DHRSX: variants seen among roughly 807,000 people sequenced by gnomAD.
DHRSX encodes polyprenol dehydrogenase.
In DHRSX, 31 loss-of-function variants were observed where a neutral mutation model predicts 34.0. The ratio of observed to expected loss-of-function variants is 0.91; its 90% confidence interval spans 0.69 to 1.23. The LOEUF is 1.23. DHRSX is among the 50% of genes most tolerant of loss of function. The pLI is 0.00. For synonymous variants in DHRSX, 201 were observed against 183.8 expected (o/e 1.09, Z -0.76); for missense variants, 414 against 428.1 (o/e 0.97, Z 0.29).
chrX:2,375,656 CAG>C (rs2043132887), intron 3 of DHRSX, among the ~76,000 whole-genome samples: 1 of 135,898 alleles, frequency 7.4e-6, no homozygotes, highest in Non-Finnish European at 1.7e-5. Context: ...GTTTTTGAGA[CAG>C]AGTCTCACTC....
chrX:2,335,506 A>G (rs1416468605), intron 3 of DHRSX, among the ~76,000 whole-genome samples: 1 of 151,850 alleles, frequency 6.6e-6, no homozygotes, highest in African/African-American at 2.4e-5. Flanking sequence ...GCTGGAGTGC[A>G]GTGGCGCGAC....
intron 1 of DHRSX, chrX:2,489,465 T>C (rs1276448767): frequency 4.3e-6 from 7 of 1,613,714 alleles, no homozygotes; most frequent in Non-Finnish European, 3.4e-6. Context: ...ACCATGCTGA[T>C]GGTGGGGTAC....
At chrX:2,265,861 G>A (rs973949850) in intron 5 of DHRSX, among the ~76,000 whole-genome samples, 12 of 140,890 alleles carry the variant, frequency 8.5e-5, no homozygotes, top group South Asian at 7.0e-4. Context: ...AGGGAGCACC[G>A]TCCCCAGAGC....
At chrX:2,282,730 G>C (rs780129663) in intron 4 of DHRSX, among the ~76,000 whole-genome samples, 2 of 145,534 alleles carry the variant, frequency 1.4e-5, no homozygotes, top group African/African-American at 2.6e-5. Flanking sequence ...GAGGGAGGGA[G>C]GGAGAGGGAG....
At chrX:2,461,414 G>A (rs184660368) in intron 1 of DHRSX, among the ~76,000 whole-genome samples, 2 of 152,306 alleles carry the variant, frequency 1.3e-5, no homozygotes, top group African/African-American at 4.8e-5. Context: ...GAAAAGAAAG[G>A]CTACCCTCTT....
intron 3 of DHRSX, among the ~76,000 whole-genome samples, chrX:2,335,986 TA>T (rs1389326517): frequency 6.6e-6 from 1 of 152,108 alleles, no homozygotes; most frequent in African/African-American, 2.4e-5. Flanking sequence ...ACAGTGTCTT[TA>T]ATATCATGCT....
rs1467330446 is a variant in DHRSX, at chrX:2,220,529, C to T, written c.*512G>A. 1 of 155,766 alleles carries T rather than the reference C, an allele frequency of 6.4e-6. No individual in the cohort carries two copies. The highest frequency in any genetic ancestry group is 2.0e-4 in the South Asian group (1 of 5,028). 9.6% of individuals were successfully genotyped at this position (155,766 alleles called of 1,614,324 possible). On this transcript the variant is annotated 3_prime_UTR_variant, in exon 7 of 7. Coordinates refer to ENST00000334651, the MANE Select transcript of DHRSX (RefSeq NM_145177.3). Reference sequence around the variant, plus strand: ...GTTGACCAGATGGTGCTGCTGGCCACGTCAAACTCATCCTACAGGCTGTAG... The same window carrying T: ...GTTGACCAGATGGTGCTGCTGGCCATGTCAAACTCATCCTACAGGCTGTAG...
chrX:2,401,532 T>C (rs761662132), intron 3 of DHRSX, among the ~76,000 whole-genome samples: 7 of 152,246 alleles, frequency 4.6e-5, no homozygotes, highest in Admixed American at 2.0e-4. Flanking sequence ...TGATCTCTCT[T>C]AGGATTTAGG....
At position 2,359,298 on chromosome X, in the gene DHRSX, C is replaced by T. The variant is rs183056571; in HGVS notation, c.286+49447G>A. On this transcript the variant is annotated intron_variant, in intron 3 of 6. Transcript: ENST00000334651. ...TCATTCTGTCATAAAGACACATGCA[C>T]GTGTATGTTCGTGGCAGCACCTTTC... is the stretch of plus-strand genomic sequence containing the variant. Among the ~76,000 whole-genome samples, 759 of 152,302 alleles carry T rather than the reference C, an allele frequency of 5.0e-3. 4 individuals carry two copies. The highest frequency in any genetic ancestry group is 0.017 in the African/African-American group (700 of 41,550).
chrX:2,287,415 C>T (rs1160486205), intron 4 of DHRSX, among the ~76,000 whole-genome samples: 1 of 151,060 alleles, frequency 6.6e-6, no homozygotes, highest in Non-Finnish European at 1.5e-5. Context: ...ACATCCCAAT[C>T]CTCATGTGGA....
At chrX:2,266,280 A>G (rs2041468612) in intron 5 of DHRSX, among the ~76,000 whole-genome samples, 1 of 120,354 alleles carries the variant, frequency 8.3e-6, no homozygotes, top group Admixed American at 8.6e-5. Context: ...GCACCGGTGT[A>G]CAGCAGACAC....
intron 5 of DHRSX, among the ~76,000 whole-genome samples, chrX:2,266,328 C>T (rs1250053470): frequency 8.3e-5 from 11 of 133,130 alleles, no homozygotes; most frequent in East Asian, 4.8e-4. Flanking sequence ...GCTCGGCAGA[C>T]ACAGGGAGCA....
At position 2,311,061 on chromosome X, in the gene DHRSX, C is replaced by CA. The variant is rs33965542; in HGVS notation, c.287-19459dup. 3.5e-3 allele frequency among the ~76,000 whole-genome samples: 454 copies of CA among 130,988 alleles called. 4 individuals carry two copies. The highest frequency in any genetic ancestry group is 0.014 in the South Asian group (54 of 3,846). 85.9% of individuals were successfully genotyped at this position (130,988 alleles called of 152,430 possible). A position where few individuals can be genotyped will look rare whatever the true frequency, so the allele number is the denominator to read the frequency against. On this transcript the variant is annotated intron_variant, in intron 3 of 6. Coordinates refer to ENST00000334651, the MANE Select transcript of DHRSX (RefSeq NM_145177.3). Reference sequence around the variant, plus strand: ...GAATGAGAAGAACAACACTCTGTGTCAAAAAAAAAAAAAAAGAGAGACAGA... The same window carrying CA: ...GAATGAGAAGAACAACACTCTGTGTCAAAAAAAAAAAAAAAAGAGAGACAGA...
At chrX:2,463,224 G>C (rs2044427657) in intron 1 of DHRSX, among the ~76,000 whole-genome samples, 1 of 152,176 alleles carries the variant, frequency 6.6e-6, no homozygotes, top group East Asian at 1.9e-4. Flanking sequence ...GCTGTGGCAG[G>C]AGAATCGCTT....
intron 5 of DHRSX, among the ~76,000 whole-genome samples, chrX:2,254,748 G>T (rs1291353614): frequency 2.6e-5 from 4 of 152,068 alleles, no homozygotes; most frequent in African/African-American, 9.7e-5. Context: ...CCGGATTCAA[G>T]TGATTCTCCT....
chrX:2,264,676 C>G lies in DHRSX; in HGVS notation c.596+2064G>C, dbSNP rs191549411. Among the ~76,000 whole-genome samples the G allele has an allele frequency of 3.0e-3, 445 of 149,910 alleles. 8 individuals carry two copies. Among genetic ancestry groups the G allele is most frequent in the Admixed American group, 4.9e-3 (74 of 15,024 alleles). On this transcript the variant is annotated intron_variant, in intron 5 of 6. Coordinates refer to ENST00000334651, the MANE Select transcript of DHRSX (RefSeq NM_145177.3). Reference sequence around the variant, plus strand: ...CTGTGCCCAGCAGATCCAGGGAGCACCATTTCCAGGGCACGTGCGCCCAGT... The same window carrying G: ...CTGTGCCCAGCAGATCCAGGGAGCAGCATTTCCAGGGCACGTGCGCCCAGT...
At chrX:2,448,862 C>T (rs1362960021) in intron 1 of DHRSX, among the ~76,000 whole-genome samples, 1 of 152,122 alleles carries the variant, frequency 6.6e-6, no homozygotes, top group African/African-American at 2.4e-5. Flanking sequence ...TTCCAAGTTT[C>T]CAAGGAAAGG....
chrX:2,403,502 T>C (rs1359774720), intron 3 of DHRSX, among the ~76,000 whole-genome samples: 3 of 152,178 alleles, frequency 2.0e-5, no homozygotes, highest in Non-Finnish European at 4.4e-5. Context: ...CACAAAACAC[T>C]GCACTTTAAA....
intron 5 of DHRSX, among the ~76,000 whole-genome samples, chrX:2,245,648 C>A (rs1331208901): frequency 6.7e-6 from 1 of 150,050 alleles, no homozygotes; most frequent in Non-Finnish European, 1.5e-5. Context: ...TGTCTCCTGT[C>A]TCCCTAAAAT....
Sources: gnomAD v4.1 joint callset for allele counts (sites outside exome capture counted in the v4.1 genomes callset) on GRCh38, gnomAD v4.1.1 for gene constraint, MANE v1.5 for transcripts, NCBI Gene and HGNC (gene_info 2026-07-23, HGNC 2026-07-21) for gene names.